Variants in AUTS2 observed in about 807,000 individuals in gnomAD.
AUTS2 encodes autism susceptibility gene 2 protein.
AUTS2 carries 17 observed loss-of-function variants against 112.4 expected under a neutral mutation model. The observed-to-expected ratio is 0.15, with a 90% CI of 0.10 to 0.23. AUTS2 has a LOEUF of 0.23. AUTS2 is among the 10% of genes least tolerant of loss of function. The pLI, the probability that AUTS2 is intolerant of heterozygous loss-of-function variation, is 1.00. For synonymous variants in AUTS2, 751 were observed against 702.7 expected (o/e 1.07, Z -1.09); for missense variants, 1,510 against 1,701.6 (o/e 0.89, Z 1.98).
intron 4 of AUTS2, among the ~76,000 whole-genome samples, chr7:70,172,442 G>T (rs954157406): frequency 6.6e-6 from 1 of 152,172 alleles, no homozygotes; most frequent in Admixed American, 6.5e-5. Flanking sequence ...GATTTCATCA[G>T]ATGCTTCTCA....
chr7:69,701,589 G>A (rs1797811164), intron 1 of AUTS2, among the ~76,000 whole-genome samples: 1 of 152,234 alleles, frequency 6.6e-6, no homozygotes. Context: ...ACGAGGACAT[G>A]CATTGTGAAA....
chr7:70,541,624 C>T (rs916238347), intron 5 of AUTS2, among the ~76,000 whole-genome samples: 1 of 152,188 alleles, frequency 6.6e-6, no homozygotes, highest in Non-Finnish European at 1.5e-5. Flanking sequence ...CCACTGTGTG[C>T]CAGACATTGT....
chr7:70,587,108 C>T (rs1225475124), intron 5 of AUTS2, among the ~76,000 whole-genome samples: 3 of 152,106 alleles, frequency 2.0e-5, no homozygotes, highest in Non-Finnish European at 4.4e-5. Context: ...GACAGAGTCT[C>T]ACTCTGTTAC....
intron 1 of AUTS2, among the ~76,000 whole-genome samples, chr7:69,888,540 G>GATAGATATATATATATATAT (rs1468555842): frequency 2.0e-5 from 2 of 99,254 alleles, no homozygotes; most frequent in African/African-American, 4.3e-5. Flanking sequence ...CAACATTGGG[G>GATAGATATATATATATATAT]ATATATATAT....
At chr7:70,328,376 C>T (rs1790588316) in intron 4 of AUTS2, among the ~76,000 whole-genome samples, 1 of 152,014 alleles carries the variant, frequency 6.6e-6, no homozygotes, top group Non-Finnish European at 1.5e-5. Flanking sequence ...TATGCAACAC[C>T]ACACCTGGTT....
chr7:69,915,234 T>C (rs1795528260), intron 2 of AUTS2, among the ~76,000 whole-genome samples: 1 of 152,230 alleles, frequency 6.6e-6, no homozygotes, highest in Non-Finnish European at 1.5e-5. Context: ...TTCTTTCTTA[T>C]TGTGCCATTT....
chr7:70,072,384 G>A (rs922557727), intron 2 of AUTS2, among the ~76,000 whole-genome samples: 1 of 152,190 alleles, frequency 6.6e-6, no homozygotes, highest in Non-Finnish European at 1.5e-5. Context: ...TGAACTTGAT[G>A]TGTAGGCCAT....
chr7:69,758,218 T>G (rs1584197615), intron 1 of AUTS2, among the ~76,000 whole-genome samples: 1 of 152,106 alleles, frequency 6.6e-6, no homozygotes, highest in South Asian at 2.1e-4. Flanking sequence ...TGGGTGGGTG[T>G]TTTTGGTTTT....
At chr7:69,959,707 C>G (rs543056931) in intron 2 of AUTS2, among the ~76,000 whole-genome samples, 1 of 152,140 alleles carries the variant, frequency 6.6e-6, no homozygotes, top group Admixed American at 6.6e-5. Flanking sequence ...TGAACTATTT[C>G]TCTCTCTTAA....
chr7:69,863,871 G>A (rs553836926), intron 1 of AUTS2, among the ~76,000 whole-genome samples: 1 of 152,290 alleles, frequency 6.6e-6, no homozygotes, highest in South Asian at 2.1e-4. Flanking sequence ...CACCCGTTGG[G>A]TAGGGGAGAG....
At chr7:70,287,634 C>A (rs1788521824) in intron 4 of AUTS2, among the ~76,000 whole-genome samples, 1 of 151,996 alleles carries the variant, frequency 6.6e-6, no homozygotes, top group Non-Finnish European at 1.5e-5. Flanking sequence ...TTCTCACCTA[C>A]AAGAGGTAGG....
At chr7:70,341,440 G>A (rs1021912210) in intron 4 of AUTS2, among the ~76,000 whole-genome samples, 2 of 152,206 alleles carry the variant, frequency 1.3e-5, no homozygotes, top group Non-Finnish European at 2.9e-5. Flanking sequence ...GTGAACAATA[G>A]CATGTGTAGG....
At chr7:70,045,429 A>C (rs1338924237) in intron 2 of AUTS2, among the ~76,000 whole-genome samples, 1 of 152,090 alleles carries the variant, frequency 6.6e-6, no homozygotes, top group African/African-American at 2.4e-5. Context: ...TAAATTAATT[A>C]CACATTGTAA....
chr7:69,760,197 CTT>C (rs375758180), intron 1 of AUTS2, among the ~76,000 whole-genome samples: 16 of 121,038 alleles, frequency 1.3e-4, no homozygotes, highest in East Asian at 2.5e-4. Context: ...TTCTTTTTTT[CTT>C]TTTTTTTTTT....
chr7:70,350,428 A>G (rs1791695069), intron 4 of AUTS2, among the ~76,000 whole-genome samples: 1 of 152,224 alleles, frequency 6.6e-6, no homozygotes, highest in Admixed American at 6.5e-5. Flanking sequence ...TCAGTTGCAC[A>G]TGGCTGGGGA....
chr7:69,961,566 T>C (rs1237105262), intron 2 of AUTS2, among the ~76,000 whole-genome samples: 1 of 152,180 alleles, frequency 6.6e-6, no homozygotes, highest in Non-Finnish European at 1.5e-5. Context: ...TGTGGGCATC[T>C]GTTGTCTTCT....
At chr7:70,213,421 G>A (rs954246910) in intron 4 of AUTS2, among the ~76,000 whole-genome samples, 5 of 151,008 alleles carry the variant, frequency 3.3e-5, no homozygotes, top group African/African-American at 1.2e-4. Flanking sequence ...AACTACTGAG[G>A]GCATAGAGGT....
At chr7:69,652,068 T>A (rs533267721) in intron 1 of AUTS2, among the ~76,000 whole-genome samples, 2 of 152,286 alleles carry the variant, frequency 1.3e-5, no homozygotes, top group South Asian at 4.1e-4. Flanking sequence ...AGCCTCCAGC[T>A]TGTAGGAGAC....
At chr7:69,698,923 G>A (rs889578988) in intron 1 of AUTS2, among the ~76,000 whole-genome samples, 2 of 152,110 alleles carry the variant, frequency 1.3e-5, no homozygotes, top group African/African-American at 2.4e-5. Context: ...TAGGAGGTAA[G>A]ATAGATTTCC....
Sources: allele counts gnomAD v4.1 joint callset (sites outside exome capture counted in the v4.1 genomes callset), GRCh38; gene constraint gnomAD v4.1.1; transcripts MANE v1.5; gene names NCBI Gene and HGNC (gene_info 2026-07-23, HGNC 2026-07-21).